RNFT1: variants seen among roughly 807,000 people sequenced by gnomAD.
RNFT1 encodes the protein E3 ubiquitin-protein ligase RNFT1.
RNFT1 carries 35 observed loss-of-function variants against 53.2 expected under a neutral mutation model. The ratio of observed to expected loss-of-function variants is 0.66; its 90% CI spans 0.50 to 0.87. The LOEUF (loss-of-function observed/expected upper bound fraction) is 0.87, where lower values mean the gene tolerates loss of function less well. Ranked by LOEUF, RNFT1 falls within the 40% of genes least tolerant of loss-of-function variation. The probability of loss-of-function intolerance (pLI) is 0.00; values close to 1 mark genes in which losing one functional copy is unlikely to be tolerated. For missense variants in RNFT1, 421 were observed against 515.0 expected, an observed-to-expected ratio of 0.82 and a Z score of 1.77; for synonymous variants, 141 against 172.8, an observed-to-expected ratio of 0.82 and a Z score of 1.44.
Position 59,957,307 on chromosome 17 carries a change from A to G in RNFT1, c.922T>C (p.Tyr308His). 2 of 1,614,080 alleles carry G rather than the reference A, an allele frequency of 1.2e-6. No individual in the cohort carries two copies. Among genetic ancestry groups the G allele is most frequent in the Non-Finnish European group, 1.7e-6 (2 of 1,179,994 alleles). Residue 308 changes from tyrosine to histidine, a missense_variant, in exon 6 of 9, where the codon TAC (tyrosine) becomes CAC (histidine). Transcript: ENST00000305783. ...TFVPIPVWFR[Y>H]LISYGEFGNV... ...CCAAACTCCCCATAGCTTATAAGGT[A>G]GCGAAACCAAACTGGTATGGGAACA... is the stretch of plus-strand genomic sequence containing the variant.
chr17:59,960,078 G>A lies in RNFT1; in HGVS notation c.682C>T (p.Leu228Phe). The stretch of plus-strand genomic sequence containing the variant: ...TGGACCTCTAATTACCTGTAATAAA[G>A]TGACTGAGAATGAAAGGTGTAATAT... Reference protein sequence around the residue: ...LLYYTFHSQSLYYSLIFLNPT... With the variant: ...LLYYTFHSQSFYYSLIFLNPT... The change falls in exon 4 of 9, where the codon CTT (leucine) becomes TTT (phenylalanine). Residue 228 changes from leucine to phenylalanine, a missense_variant. Transcript: ENST00000305783. The A allele has an allele frequency of 6.2e-7, 1 of 1,600,876 alleles. No homozygotes were observed. Among genetic ancestry groups the A allele is most frequent in the Non-Finnish European group, 8.5e-7 (1 of 1,175,596 alleles).
intron 7 of RNFT1, among the ~76,000 whole-genome samples, chr17:59,955,253 G>A (rs768021859): frequency 6.6e-6 from 1 of 152,154 alleles, no homozygotes; most frequent in Non-Finnish European, 1.5e-5. Context: ...AATAAGTCAG[G>A]ATACTGTTAG....
At position 59,963,113 on chromosome 17, in the gene RNFT1, A is replaced by C. The variant is rs1219884344; in HGVS notation, c.228T>G (p.Ser76=). ...AGTTTATCTGGATATGAACATCTCC[A>C]GAATGAGGGCAAGAACCCTCTCCTG... ...RLTGEGSCPH[S]GDVHIQINSI... Residue 76 remains serine, a synonymous_variant, in exon 2 of 9, where the codon TCT becomes TCG. Transcript: ENST00000305783. 6.2e-7 allele frequency: 1 copy of C among 1,614,242 alleles called. No individual in the cohort carries two copies. Among genetic ancestry groups the C allele is most frequent in the Admixed American group, 1.7e-5 (1 of 60,026 alleles).
Position 59,952,982 on chromosome 17 carries a change from A to G in RNFT1, c.1303T>C (p.Tyr435His). 6.2e-7 allele frequency: 1 copy of G among 1,612,610 alleles called. No homozygotes were observed. Among genetic ancestry groups the G allele is most frequent in the Non-Finnish European group, 8.5e-7 (1 of 1,179,584 alleles). The part of the protein sequence containing the change: ...DGATSSHLQI[Y>H] ...GCCTTGATAGTTTATACAACTTAAT[A>G]TATTTGAAGGTGTGATGAAGTGGCT... Residue 435 changes from tyrosine (Y) to histidine (H), a missense_variant, in exon 9 of 9, where the codon TAT becomes CAT. Tyr to His is a moderately conservative substitution (Grantham distance 83). Transcript: ENST00000305783.
intron 4 of RNFT1, 189 bp from the exon 5 acceptor site, chr17:59,958,633 T>C: frequency 3.1e-6 from 2 of 652,958 alleles, no homozygotes; most frequent in Non-Finnish European, 5.6e-6. Flanking sequence ...CCTGTTTGGA[T>C]TTTAGATCTT....
At chr17:59,963,978 C>G (rs59767604) in intron 1 of RNFT1, among the ~76,000 whole-genome samples, 19,969 of 152,120 alleles carry the variant, frequency 0.13, 1,578 homozygotes, top group Middle Eastern at 0.22. Flanking sequence ...ACTCTTTAGT[C>G]TGAATAAGCA....
rs1568543275 is a variant in RNFT1 at position 59,957,402 on chromosome 17, C to G, written c.847-20G>C. The G allele has an allele frequency of 3.8e-6, 6 of 1,595,878 alleles. No individual in the cohort carries two copies. Among genetic ancestry groups the G allele is most frequent in the South Asian group, 2.3e-5 (2 of 88,254 alleles). On this transcript the variant is annotated intron_variant, in intron 5 of 8. Transcript: ENST00000305783. The stretch of plus-strand genomic sequence containing the variant: ...GTAACCCTAAAAAATAAGAAGAAAA[C>G]AAATAGAGCTACCCAAACTACTTAA...
At chr17:59,954,749 C>T (rs185294036) in intron 7 of RNFT1, among the ~76,000 whole-genome samples, 204 of 152,116 alleles carry the variant, frequency 1.3e-3, no homozygotes, top group African/African-American at 4.6e-3. Flanking sequence ...AAAAATTATT[C>T]GAAATTATAA....
chr17:59,958,135 G>A (rs1428184703), intron 5 of RNFT1, among the ~76,000 whole-genome samples, 156 bp downstream of exon 5: 1 of 152,160 alleles, frequency 6.6e-6, no homozygotes, highest in African/African-American at 2.4e-5. Flanking sequence ...AGGTTCAAGT[G>A]CCTGAACAAA....
intron 3 of RNFT1, 25 bp downstream of exon 3, chr17:59,962,515 T>A (rs1568546518): frequency 7.0e-7 from 1 of 1,438,226 alleles, no homozygotes; most frequent in East Asian, 2.3e-5. Flanking sequence ...CAGTTAATAA[T>A]TTTTTAGTTG....
intron 3 of RNFT1, 45 bp downstream of exon 3, chr17:59,962,495 T>C: frequency 1.6e-6 from 2 of 1,230,472 alleles, no homozygotes; most frequent in East Asian, 2.3e-5. Context: ...CTAAAATCTA[T>C]GGAGAGAAAC....
chr17:59,954,780 TAAA>T (rs1317210466), intron 7 of RNFT1, among the ~76,000 whole-genome samples: 1 of 152,200 alleles, frequency 6.6e-6, no homozygotes, highest in African/African-American at 2.4e-5. Flanking sequence ...GTGCTAAACA[TAAA>T]AAAGTTTTAC....
rs2045265810 is a variant in RNFT1, at chr17:59,958,160, AAAT to A, written c.846+128_846+130del. The A allele has an allele frequency of 8.0e-6, 7 of 878,420 alleles. No individual in the cohort carries two copies. In the South Asian group the frequency reaches 1.3e-4, roughly 16 times the overall value. The allele number at this position is 878,420 out of a possible 1,614,324, so 54.4% of individuals were successfully genotyped here. On this transcript the variant is annotated intron_variant, in intron 5 of 8. Coordinates refer to ENST00000305783, the MANE Select transcript of RNFT1 (RefSeq NM_016125.4). ...GCCTGAACAAATGGTTGCTAAGCTGAAATAATACAGATAATTAAGCTAGTTAGC... is the reference window on the plus strand; with the variant it reads ...GCCTGAACAAATGGTTGCTAAGCTGAAATACAGATAATTAAGCTAGTTAGC...
chr17:59,963,110 T>C lies in RNFT1; in HGVS notation c.231A>G (p.Gly77=). ...TGGAGTTTATCTGGATATGAACATC[T>C]CCAGAATGAGGGCAAGAACCCTCTC... ...LTGEGSCPHS[G]DVHIQINSIP... Residue 77 remains glycine, a synonymous_variant, in exon 2 of 9, where the codon GGA becomes GGG. Coordinates refer to ENST00000305783, the MANE Select transcript of RNFT1 (RefSeq NM_016125.4). The C allele has an allele frequency of 6.2e-7, 1 of 1,614,194 alleles. No individual in the cohort carries two copies. The highest frequency in any genetic ancestry group is 8.5e-7 in the Non-Finnish European group (1 of 1,180,046).
chr17:59,959,993 T>C, intron 4 of RNFT1, 75 bp downstream of exon 4: 1 of 1,432,868 alleles, frequency 7.0e-7, no homozygotes, highest in Non-Finnish European at 9.5e-7. Context: ...AAGTACTATG[T>C]GAAGTAAGAT....
chr17:59,964,683 A>G lies in RNFT1; in HGVS notation c.-20T>C. ...CGGCATACACCGCCTCCAGCCCTTC[A>G]GTCGGGGCCATCAACCGCAAACCCC... On this transcript the variant is annotated 5_prime_UTR_variant, in exon 1 of 9. Transcript: ENST00000305783. 6.3e-7 allele frequency: 1 copy of G among 1,593,406 alleles called. No homozygotes were observed. The highest frequency in any genetic ancestry group is 8.5e-7 in the Non-Finnish European group (1 of 1,170,164).
chr17:59,956,362 A>G, intron 7 of RNFT1, 126 bp downstream of exon 7: 1 of 675,456 alleles, frequency 1.5e-6, no homozygotes, highest in Non-Finnish European at 2.6e-6. Context: ...GTACTAGAAA[A>G]TAATCAAAGT....
At position 59,964,682 on chromosome 17, in the gene RNFT1, C is replaced by CA. The variant is rs762556192; in HGVS notation, c.-20dup. On this transcript the variant is annotated 5_prime_UTR_variant, in exon 1 of 9. The change creates a premature stop within an existing upstream ORF in the 5' untranslated region. Transcript: ENST00000305783. ...GCGGCATACACCGCCTCCAGCCCTT[C>CA]AGTCGGGGCCATCAACCGCAAACCC... The CA allele has an allele frequency of 1.6e-5, 26 of 1,593,314 alleles. No homozygotes were observed. The highest frequency in any genetic ancestry group is 1.7e-4 in the Middle Eastern group (1 of 6,044).
At chr17:59,963,377 T>G (rs2045310190) in intron 1 of RNFT1, 93 bp from the exon 2 acceptor site, 2 of 1,010,066 alleles carry the variant, frequency 2.0e-6, no homozygotes, top group Non-Finnish European at 2.9e-6. Context: ...ACTAAAGGAG[T>G]AGCAAATAAT....
Sources: allele counts gnomAD v4.1 joint callset (sites outside exome capture counted in the v4.1 genomes callset), GRCh38; gene constraint gnomAD v4.1.1; transcripts MANE v1.5; gene names NCBI Gene and HGNC (gene_info 2026-07-23, HGNC 2026-07-21).